Variants in KLHL25 observed in about 807,000 individuals in gnomAD.
KLHL25 encodes kelch-like protein 25.
A neutral mutation model predicts 30.0 loss-of-function variants in KLHL25; 41 were observed. That is an observed-to-expected ratio of 1.37 (90% CI 1.07 to 1.78). The LOEUF (loss-of-function observed/expected upper bound fraction) is 1.78, where lower values mean the gene tolerates loss of function less well. Ranked by LOEUF, KLHL25 falls within the 40% of genes most tolerant of loss-of-function variation. The probability of loss-of-function intolerance (pLI) is 0.00; values close to 1 mark genes in which losing one functional copy is unlikely to be tolerated. For missense variants in KLHL25, 971 were observed against 824.5 expected, an observed-to-expected ratio of 1.18 and a Z score of -2.18; for synonymous variants, 399 against 355.3, an observed-to-expected ratio of 1.12 and a Z score of -1.38.
At chr15:85,770,069 G>C (rs2089660948) in intron 1 of KLHL25, among the ~76,000 whole-genome samples, 1 of 152,216 alleles carries the variant, frequency 6.6e-6, no homozygotes, top group Non-Finnish European at 1.5e-5. Context: ...AAACATCTCT[G>C]GCCTGCAGAT....
At chr15:85,767,959 C>CT (rs2089635391) in intron 2 of KLHL25, 58 bp downstream of exon 2, 5 of 1,147,826 alleles carry the variant, frequency 4.4e-6, no homozygotes, top group Non-Finnish European at 4.9e-6. Context: ...AGAGGTGGGA[C>CT]TGCATTCCCC....
intron 1 of KLHL25, among the ~76,000 whole-genome samples, chr15:85,770,038 G>C (rs572796339): frequency 6.6e-6 from 1 of 152,330 alleles, no homozygotes; most frequent in African/African-American, 2.4e-5. Context: ...TTGTTCTCAG[G>C]GTATGAGCCA....
Position 85,769,686 on chromosome 15 carries a change from T to G in KLHL25, c.125A>C (p.His42Pro). ...GAGTGTGACGTCGGTGAACATGCAG[T>G]GCTTGCGAAGCGTGTTGAGGTGGGC... Reference protein sequence around the residue: ...VLAHLNTLRKHCMFTDVTLWA... With the variant: ...VLAHLNTLRKPCMFTDVTLWA... Residue 42 changes from histidine to proline, a missense_variant, in exon 2 of 3, where the codon CAC becomes CCC. Physicochemically the swap from His to Pro is moderately conservative, Grantham distance 77. Coordinates refer to ENST00000337975, the MANE Select transcript of KLHL25 (RefSeq NM_022480.4). The G allele has an allele frequency of 6.2e-7, 1 of 1,613,920 alleles. No homozygotes were observed.
At chr15:85,765,633 A>AAAGAAG (rs756153246) in intron 2 of KLHL25, among the ~76,000 whole-genome samples, 1 of 127,914 alleles carries the variant, frequency 7.8e-6, no homozygotes, top group African/African-American at 2.9e-5. Context: ...AAAAAAAAAA[A>AAAGAAG]AAGAAGAAGA....
chr15:85,781,212 A>G (rs1193882936), intron 1 of KLHL25, among the ~76,000 whole-genome samples: 1 of 152,182 alleles, frequency 6.6e-6, no homozygotes, highest in Non-Finnish European at 1.5e-5. Flanking sequence ...GCCCGTATCA[A>G]TGAACTTTTG....
At position 85,768,370 on chromosome 15, in the gene KLHL25, G is replaced by A. The variant is rs760672983; in HGVS notation, c.1441C>T (p.Pro481Ser). 6.2e-7 allele frequency: 1 copy of A among 1,613,762 alleles called. No homozygotes were observed. Residue 481 changes from proline (P) to serine (S), a missense_variant, in exon 2 of 3, where the codon CCT (proline) becomes TCT (serine). Pro to Ser is a moderately conservative substitution (Grantham distance 74). Coordinates refer to ENST00000337975, the MANE Select transcript of KLHL25 (RefSeq NM_022480.4). ...ACGGCAGCGGCTGTGTACCGCCAAGGCTGGGGGCACTCGGCCTTGATCGTC... is the reference window on the plus strand; with the variant it reads ...ACGGCAGCGGCTGTGTACCGCCAAGACTGGGGGCACTCGGCCTTGATCGTC... The part of the protein sequence containing the change: ...RWTIKAECPQ[P>S]WRYTAAAVLG...
chr15:85,779,506 T>C (rs1008597369), intron 1 of KLHL25, among the ~76,000 whole-genome samples: 1 of 152,138 alleles, frequency 6.6e-6, no homozygotes, highest in Non-Finnish European at 1.5e-5. Flanking sequence ...ACATCTAAAA[T>C]GGCTTAGGGG....
Position 85,769,287 on chromosome 15 carries a change from T to G in KLHL25, c.524A>C (p.His175Pro), listed in dbSNP as rs762124349. The G allele has an allele frequency of 6.2e-7, 1 of 1,613,982 alleles. No homozygotes were observed. The highest frequency in any genetic ancestry group is 8.5e-7 in the Non-Finnish European group (1 of 1,180,018). ...YEFSWRMCLV[H>P]FETVRQSEDF... ...CTCGCTCTGCCTCACCGTCTCAAAG[T>G]GCACCAGGCACATGCGCCAGGAGAA... The change falls in exon 2 of 3, where the codon CAC becomes CCC. Residue 175 changes from histidine (H) to proline (P), a missense_variant. His to Pro is a moderately conservative substitution (Grantham distance 77). Transcript: ENST00000337975.
In KLHL25 at chr15:85,769,092, A is replaced by G; in HGVS notation, c.719T>C (p.Leu240Ser). 1.2e-6 allele frequency: 2 copies of G among 1,606,820 alleles called. No individual in the cohort carries two copies. Among genetic ancestry groups the G allele is most frequent in the South Asian group, 2.2e-5 (2 of 90,884 alleles). Reference sequence around the variant, plus strand: ...CTCCTGCAGGCAGTCGGACGGCAGCAAGGCCAGACGCACGCTGCGGAGGAG... The same window carrying G: ...CTCCTGCAGGCAGTCGGACGGCAGCGAGGCCAGACGCACGCTGCGGAGGAG... ...PELLRSVRLA[L>S]LPSDCLQEAV... Residue 240 changes from leucine (L) to serine (S), a missense_variant, in exon 2 of 3, where the codon TTG becomes TCG. By Grantham distance (145) the Leu-to-Ser change is moderately radical (BLOSUM62 -2). Coordinates refer to ENST00000337975, the MANE Select transcript of KLHL25 (RefSeq NM_022480.4).
At position 85,768,254 on chromosome 15, in the gene KLHL25, C is replaced by A; in HGVS notation, c.1557G>T (p.Thr519=). 5 of 1,614,150 alleles carry A rather than the reference C, an allele frequency of 3.1e-6. No individual in the cohort carries two copies. Among genetic ancestry groups the A allele is most frequent in the Non-Finnish European group, 4.2e-6 (5 of 1,180,032 alleles). ...YRFDCETNQW[T]RIGDMTAKRM... is the part of the protein sequence containing the mutation. ...GCTTGGCAGTCATGTCCCCAATCCGCGTCCACTGGTTGGTCTCACAGTCAA... is the reference window on the plus strand; with the variant it reads ...GCTTGGCAGTCATGTCCCCAATCCGAGTCCACTGGTTGGTCTCACAGTCAA... Residue 519 remains threonine, a synonymous_variant, in exon 2 of 3, where the codon ACG becomes ACT. Transcript: ENST00000337975.
chr15:85,793,385 G>T (rs1216281350), intron 1 of KLHL25, among the ~76,000 whole-genome samples: 1 of 152,116 alleles, frequency 6.6e-6, no homozygotes, highest in Non-Finnish European at 1.5e-5. Flanking sequence ...TGCCAGGCCG[G>T]AAAAAGACTG....
rs561113423 is a variant in KLHL25 at position 85,769,326 on chromosome 15, C to T, written c.485G>A (p.Arg162His). The T allele has an allele frequency of 4.4e-5, 71 of 1,614,086 alleles. No individual in the cohort carries two copies. The highest frequency in any genetic ancestry group is 5.8e-5 in the Non-Finnish European group (68 of 1,180,032). Residue 162 changes from arginine (R) to histidine (H), a missense_variant, in exon 2 of 3, where the codon CGC (arginine) becomes CAC (histidine). Arg to His is a conservative substitution (Grantham distance 29). Coordinates refer to ENST00000337975, the MANE Select transcript of KLHL25 (RefSeq NM_022480.4). Reference sequence around the variant, plus strand: ...GCGCCAGGAGAACTCATACAGCCGGCGGCACTGGTGGGCGTCCGAGAGCAG... The same window carrying T: ...GCGCCAGGAGAACTCATACAGCCGGTGGCACTGGTGGGCGTCCGAGAGCAG... ...MMLLSDAHQC[R>H]RLYEFSWRMC... is the part of the protein sequence containing the mutation.
chr15:85,785,599 C>T (rs901801640), intron 1 of KLHL25, among the ~76,000 whole-genome samples: 20 of 151,598 alleles, frequency 1.3e-4, no homozygotes, highest in African/African-American at 4.9e-4. Context: ...AAACTCCAGG[C>T]ACAGGAAGTG....
intron 2 of KLHL25, chr15:85,763,355 G>C (rs1033936657): frequency 2.0e-5 from 3 of 152,262 alleles, no homozygotes; most frequent in Non-Finnish European, 4.4e-5. Context: ...CAGCTCCCCA[G>C]AGGCGCCTGC....
intron 1 of KLHL25, among the ~76,000 whole-genome samples, chr15:85,781,440 A>T (rs1181200970): frequency 6.6e-6 from 1 of 152,124 alleles, no homozygotes; most frequent in East Asian, 1.9e-4. Context: ...AATCTCAGGG[A>T]CACCCAGACC....
rs1344761718 is a variant in KLHL25 at position 85,768,754 on chromosome 15, C to CGTTCTCGGAGCCCCT, written c.1042_1056dup (p.Arg348_Asn352dup). ...TACACCCAGACATCCTTGGAGACCCCGTTCTCGGAGCCCCTGCCCCCCGTC... is the reference window on the plus strand; with the variant it reads ...TACACCCAGACATCCTTGGAGACCCCGTTCTCGGAGCCCCTGTTCTCGGAGCCCCTGCCCCCCGTC... On this transcript the variant is annotated inframe_insertion, in exon 2 of 3. Transcript: ENST00000337975. 6.2e-7 allele frequency: 1 copy of CGTTCTCGGAGCCCCT among 1,612,908 alleles called. No individual in the cohort carries two copies. Among genetic ancestry groups the CGTTCTCGGAGCCCCT allele is most frequent in the Non-Finnish European group, 8.5e-7 (1 of 1,179,888 alleles).
rs139515828 is a variant in KLHL25 at position 85,767,928 on chromosome 15, G to T, written c.*24+89C>A. On this transcript the variant is annotated intron_variant, in intron 2 of 2. Transcript: ENST00000337975. ...CCACCCAGACTTCCCTGGAAGACAC[G>T]GTGACCTTCACCCAGTGGGAAGAGG... 1.2e-5 allele frequency: 10 copies of T among 846,924 alleles called. No homozygotes were observed. In the East Asian group the frequency reaches 1.9e-4, roughly 16 times the overall value. 52.5% of individuals were successfully genotyped at this position (846,924 alleles called of 1,614,324 possible).
rs1036725352 is a variant in KLHL25 at position 85,769,915 on chromosome 15, C to G, written c.-10-95G>C. The G allele has an allele frequency of 3.5e-5, 36 of 1,021,124 alleles. No homozygotes were observed. The African/African-American group carries it at 5.4e-4, about 15-fold the overall frequency. The allele number at this position is 1,021,124 out of a possible 1,614,324, so 63.3% of individuals were successfully genotyped here. On this transcript the variant is annotated intron_variant, in intron 1 of 2. Transcript: ENST00000337975. ...TCAGCACAAGCCCCCTTGTCCCCTCCCACCCACTCTCTGCTCACCTCTGCT... is the reference window on the plus strand; with the variant it reads ...TCAGCACAAGCCCCCTTGTCCCCTCGCACCCACTCTCTGCTCACCTCTGCT...
chr15:85,767,250 A>G (rs569708325), intron 2 of KLHL25, among the ~76,000 whole-genome samples: 2 of 152,006 alleles, frequency 1.3e-5, no homozygotes, highest in Non-Finnish European at 2.9e-5. Flanking sequence ...CGGCCTCTCA[A>G]AGTGCTGGGG....
Sources: allele counts gnomAD v4.1 joint callset (sites outside exome capture counted in the v4.1 genomes callset), GRCh38; gene constraint gnomAD v4.1.1; transcripts MANE v1.5; gene names NCBI Gene and HGNC (gene_info 2026-07-23, HGNC 2026-07-21).